The following DIABLO variants were observed in gnomAD, a reference collection of about 807,000 sequenced individuals.
DIABLO encodes diablo homolog, mitochondrial.
A neutral mutation model predicts 31.7 loss-of-function variants in DIABLO; 32 were observed. The ratio of observed to expected loss-of-function variants is 1.01; its 90% CI spans 0.76 to 1.35. The LOEUF is 1.35. Ranked by LOEUF, DIABLO falls within the 40% of genes most tolerant of loss-of-function variation. DIABLO has a pLI of 0.00. For synonymous variants in DIABLO, 132 were observed against 103.2 expected (o/e 1.28, Z -1.69); for missense variants, 316 against 286.4 (o/e 1.10, Z -0.75).
intron 5 of DIABLO, chr12:122,209,609 G>A (rs572194766): frequency 8.2e-6 from 5 of 606,636 alleles, no homozygotes; most frequent in African/African-American, 1.8e-5. Context: ...AGGTTGCAGT[G>A]AGCTGAGATC....
At position 122,225,994 on chromosome 12, in the gene DIABLO, C is replaced by A. The variant is rs749139648; in HGVS notation, c.21G>T (p.Trp7Cys). Residue 7 changes from tryptophan to cysteine, a missense_variant, in exon 1 of 6, where the codon TGG becomes TGT. Trp to Cys is a radical substitution (Grantham distance 215). Coordinates refer to ENST00000464942, the MANE Select transcript of DIABLO (RefSeq NM_001371333.1). MAALKS[W>C]LSRSVTSFFR... ...AGAATGAAGTTACGCTGCGCGACAGCCAACTCTTCAGAGCCGCCATTGTGC... is the reference window on the plus strand; with the variant it reads ...AGAATGAAGTTACGCTGCGCGACAGACAACTCTTCAGAGCCGCCATTGTGC... The A allele has an allele frequency of 6.2e-7, 1 of 1,603,442 alleles. No individual in the cohort carries two copies. Among genetic ancestry groups the A allele is most frequent in the East Asian group, 2.2e-5 (1 of 44,518 alleles).
intron 2 of DIABLO, chr12:122,222,035 T>A (rs982116478): frequency 6.6e-6 from 1 of 152,210 alleles, no homozygotes; most frequent in African/African-American, 2.4e-5. Flanking sequence ...ATCTTCCTTT[T>A]GTGATGAACA....
At chr12:122,208,647 TG>T (rs1425418208) in intron 5 of DIABLO, 70 bp from the exon 6 acceptor site, 2 of 1,520,228 alleles carry the variant, frequency 1.3e-6, no homozygotes, top group African/African-American at 1.4e-5. Flanking sequence ...GACGTTGGCC[TG>T]GGGGTGCTGT....
chr12:122,207,750 A>AAAGG lies in DIABLO; in HGVS notation c.*627_*630dup, dbSNP rs1953957532. 1 of 486,158 alleles carries AAAGG rather than the reference A, an allele frequency of 2.1e-6. No homozygotes were observed. The highest frequency in any genetic ancestry group is 4.0e-6 in the Non-Finnish European group (1 of 248,802). 30.1% of individuals were successfully genotyped at this position (486,158 alleles called of 1,614,324 possible). ...TTGGATACAATAGAGAAACGGAAAG[A>AAAGG]AAGGAAGGAACAAGAGGCCTGTGTT... On this transcript the variant is annotated 3_prime_UTR_variant, in exon 6 of 6. Transcript: ENST00000464942.
Position 122,208,534 on chromosome 12 carries a change from C to T in DIABLO, c.567G>A (p.Leu189=), listed in dbSNP as rs372445889. The part of the protein sequence containing the change: ...ASITARNHIQ[L]VKLQVEEVHQ... ...GCACCTCTTCCACCTGCAGTTTCAC[C>T]AGCTGAATGTGATTCCTGGCGGTTA... Residue 189 remains leucine (L), a synonymous_variant, in exon 6 of 6, where the codon CTG becomes CTA. Transcript: ENST00000464942. The T allele has an allele frequency of 1.8e-5, 29 of 1,613,974 alleles. No homozygotes were observed. Among genetic ancestry groups the T allele is most frequent in the Middle Eastern group, 1.7e-4 (1 of 6,060 alleles).
upstream of DIABLO, chr12:122,226,095 GA>G: frequency 6.5e-7 from 1 of 1,541,316 alleles, no homozygotes; most frequent in Non-Finnish European, 8.7e-7. Context: ...GCCTCCACCT[GA>G]GAGCGCCTCG....
chr12:122,218,777 TAA>T (rs11389664), intron 2 of DIABLO: 346 of 270,958 alleles, frequency 1.3e-3, no homozygotes, highest in Middle Eastern at 5.9e-3. Flanking sequence ...CCGTCTCTAC[TAA>T]AAAAATACAA....
Position 122,225,973 on chromosome 12 carries a change from T to C in DIABLO, c.42A>G (p.Ser14=), listed in dbSNP as rs1954457593. The part of the protein sequence containing the change: ...LKSWLSRSVT[S]FFRYRQCLCV... The stretch of plus-strand genomic sequence containing the variant: ...CGCGGCCGCAGCGGTACCTGAAGAA[T>C]GAAGTTACGCTGCGCGACAGCCAAC... Residue 14 remains serine (S), a synonymous_variant, in exon 1 of 6, where the codon TCA becomes TCG. Transcript: ENST00000464942. 1 of 1,599,264 alleles carries C rather than the reference T, an allele frequency of 6.3e-7. No homozygotes were observed.
intron 1 of DIABLO, 143 bp downstream of exon 1, chr12:122,225,822 C>G: frequency 6.6e-7 from 1 of 1,505,700 alleles, no homozygotes; most frequent in Non-Finnish European, 8.9e-7. Flanking sequence ...TCAGTCCTCC[C>G]GACCGGAGCG....
rs60995900 is a variant in DIABLO, at chr12:122,217,127, T to A, written c.316-258A>T. On this transcript the variant is annotated intron_variant, in intron 3 of 5. Coordinates refer to ENST00000464942, the MANE Select transcript of DIABLO (RefSeq NM_001371333.1). ...GAGAAAACAATGCAAGGGAAAACTT[T>A]AAAGGTTGAGGGGAAAAAAGCTGCT... The A allele has an allele frequency of 0.072, 31,081 of 433,180 alleles. 1,470 individuals are homozygous for A. Among genetic ancestry groups the A allele is most frequent in the African/African-American group, 0.16 (7,837 of 49,986 alleles). The allele number at this position is 433,180 out of a possible 1,614,324, so 26.8% of individuals were successfully genotyped here.
At chr12:122,224,921 C>A in intron 1 of DIABLO, 3 of 1,091,544 alleles carry the variant, frequency 2.7e-6, no homozygotes, top group African/African-American at 1.6e-5. Context: ...CCAGCCTGGG[C>A]AACATGGCTG....
chr12:122,225,109 A>C, intron 1 of DIABLO: 1 of 326,404 alleles, frequency 3.1e-6, no homozygotes, highest in Non-Finnish European at 5.9e-6. Context: ...GCTACTCGGG[A>C]GGCTGAGGCA....
At chr12:122,211,243 A>C (rs1027939785) in intron 5 of DIABLO, among the ~76,000 whole-genome samples, 1 of 151,906 alleles carries the variant, frequency 6.6e-6, no homozygotes, top group Non-Finnish European at 1.5e-5. Flanking sequence ...CTACCAAAAA[A>C]TAAAAAAGAT....
intron 1 of DIABLO, chr12:122,225,410 T>C (rs1237897873): frequency 1.3e-5 from 13 of 995,388 alleles, no homozygotes; most frequent in South Asian, 8.6e-5. Flanking sequence ...TAAAATAAAA[T>C]GTTGCCTTTA....
intron 5 of DIABLO, among the ~76,000 whole-genome samples, chr12:122,215,560 C>T (rs1050355262): frequency 6.6e-6 from 1 of 151,976 alleles, no homozygotes; most frequent in African/African-American, 2.4e-5. Flanking sequence ...GCCTAGATGG[C>T]GCCAGTGCAC....
chr12:122,211,335 G>A (rs1954084991), intron 5 of DIABLO, among the ~76,000 whole-genome samples: 1 of 152,094 alleles, frequency 6.6e-6, no homozygotes, highest in Non-Finnish European at 1.5e-5. Context: ...GGAGGCAGAA[G>A]TAACGGTGAG....
At chr12:122,214,481 A>C (rs1421862665) in intron 5 of DIABLO, among the ~76,000 whole-genome samples, 1 of 152,192 alleles carries the variant, frequency 6.6e-6, no homozygotes, top group African/African-American at 2.4e-5. Context: ...GATGGAGTGC[A>C]CAGGCATGAT....
intron 5 of DIABLO, among the ~76,000 whole-genome samples, chr12:122,214,054 C>T (rs1232640482): frequency 6.6e-6 from 1 of 152,112 alleles, no homozygotes; most frequent in Non-Finnish European, 1.5e-5. Flanking sequence ...CACTGCACTC[C>T]AGCCTGGGGG....
intron 5 of DIABLO, 84 bp from the exon 6 acceptor site, chr12:122,208,661 C>A: frequency 7.1e-7 from 1 of 1,416,138 alleles, no homozygotes; most frequent in Non-Finnish European, 9.7e-7. Flanking sequence ...GGTGCTGTGG[C>A]TGTCATCTGA....
Sources: gnomAD v4.1 joint callset for allele counts (sites outside exome capture counted in the v4.1 genomes callset) on GRCh38, gnomAD v4.1.1 for gene constraint, MANE v1.5 for transcripts, NCBI Gene and HGNC (gene_info 2026-07-23, HGNC 2026-07-21) for gene names.